PHACTR3: variants seen among roughly 807,000 people sequenced by gnomAD.
PHACTR3 encodes protein phosphatase 1, regulatory subunit 123.
A neutral mutation model predicts 66.8 loss-of-function variants in PHACTR3; 16 were observed. That is an observed-to-expected ratio of 0.24 (90% CI 0.16 to 0.36). The LOEUF is 0.36. Ranked by LOEUF, PHACTR3 falls within the 10% of genes least tolerant of loss-of-function variation. The pLI, the probability that PHACTR3 is intolerant of heterozygous loss-of-function variation, is 1.00. For missense variants in PHACTR3, 647 were observed against 719.9 expected (o/e 0.90, Z 1.16); for synonymous variants, 323 against 292.1 (o/e 1.11, Z -1.08).
chr20:59,803,646 C>T lies in PHACTR3; in HGVS notation c.1175-2395C>T, dbSNP rs140643983. On this transcript the variant is annotated intron_variant, in intron 7 of 12. Coordinates refer to ENST00000371015, the MANE Select transcript of PHACTR3 (RefSeq NM_080672.5). ...ATCTTTTGTCATTCCGTAACATATA[C>T]GCCACCATTTTTAATAGGTACACAA... 3.0e-3 allele frequency among the ~76,000 whole-genome samples: 464 copies of T among 152,210 alleles called. 2 individuals are homozygous for T. Among genetic ancestry groups the T allele is most frequent in the African/African-American group, 0.011 (441 of 41,532 alleles).
At chr20:59,615,487 A>G (rs890344436) in intron 1 of PHACTR3, among the ~76,000 whole-genome samples, 109 of 152,318 alleles carry the variant, frequency 7.2e-4, no homozygotes, top group African/African-American at 2.6e-3. Context: ...CACATATGTA[A>G]TAAGTGCCAG....
chr20:59,788,250 A>G (rs2040982498), intron 7 of PHACTR3, among the ~76,000 whole-genome samples: 1 of 152,152 alleles, frequency 6.6e-6, no homozygotes, highest in Non-Finnish European at 1.5e-5. Flanking sequence ...AATAGCCTCC[A>G]ATCTCATCCA....
At chr20:59,650,380 C>T (rs977371440) in intron 1 of PHACTR3, among the ~76,000 whole-genome samples, 3 of 151,834 alleles carry the variant, frequency 2.0e-5, no homozygotes, top group Non-Finnish European at 4.4e-5. Flanking sequence ...TGATTGTTCT[C>T]GTTGGGGGGA....
At chr20:59,630,563 C>T (rs1245851767) in intron 1 of PHACTR3, among the ~76,000 whole-genome samples, 1 of 152,182 alleles carries the variant, frequency 6.6e-6, no homozygotes, top group Admixed American at 6.5e-5. Context: ...CTTAAGAAAA[C>T]ATTATATTCA....
chr20:59,734,945 T>A (rs1007201937), intron 1 of PHACTR3, among the ~76,000 whole-genome samples: 9 of 152,096 alleles, frequency 5.9e-5, no homozygotes, highest in African/African-American at 2.2e-4. Flanking sequence ...TCTGCTATTA[T>A]AATCCTCTTT....
intron 12 of PHACTR3, among the ~76,000 whole-genome samples, chr20:59,846,181 A>G (rs1275300314): frequency 6.6e-6 from 1 of 152,174 alleles, no homozygotes; most frequent in Non-Finnish European, 1.5e-5. Context: ...ACTGCCTTAA[A>G]CTAAAATAAT....
At chr20:59,618,780 G>A (rs1199405647) in intron 1 of PHACTR3, among the ~76,000 whole-genome samples, 2 of 151,976 alleles carry the variant, frequency 1.3e-5, no homozygotes, top group Admixed American at 6.5e-5. Flanking sequence ...GAGCAGGGCC[G>A]AGAGCCTGAG....
chr20:59,755,030 G>T, intron 3 of PHACTR3, 152 bp from the exon 4 acceptor site: 1 of 743,220 alleles, frequency 1.3e-6, no homozygotes, highest in Non-Finnish European at 2.1e-6. Context: ...GTCCAGACTT[G>T]GAGAGGGACT....
At chr20:59,813,451 C>T (rs2041796181) in intron 8 of PHACTR3, among the ~76,000 whole-genome samples, 1 of 152,180 alleles carries the variant, frequency 6.6e-6, no homozygotes, top group African/African-American at 2.4e-5. Flanking sequence ...CCTGTCACAT[C>T]CAATGTCATT....
At chr20:59,811,883 C>A (rs1341717458) in intron 8 of PHACTR3, among the ~76,000 whole-genome samples, 2 of 152,246 alleles carry the variant, frequency 1.3e-5, no homozygotes, top group African/African-American at 2.4e-5. Flanking sequence ...GGTGGCAATA[C>A]CTGCCTCAGG....
intron 1 of PHACTR3, among the ~76,000 whole-genome samples, chr20:59,723,965 G>T (rs1389049744): frequency 6.6e-6 from 1 of 152,198 alleles, no homozygotes; most frequent in East Asian, 1.9e-4. Flanking sequence ...TTGGCTGCCT[G>T]GTCTGCATCC....
intron 1 of PHACTR3, among the ~76,000 whole-genome samples, chr20:59,660,697 T>C (rs945222771): frequency 2.0e-5 from 3 of 152,226 alleles, no homozygotes; most frequent in Non-Finnish European, 4.4e-5. Flanking sequence ...TATCACTTCA[T>C]CTCCATAATC....
chr20:59,832,149 C>T lies in PHACTR3; in HGVS notation c.1329-4356C>T, dbSNP rs1194552637. Among the ~76,000 whole-genome samples, 7 of 152,316 alleles carry T rather than the reference C, an allele frequency of 4.6e-5. No individual in the cohort carries two copies. The East Asian group carries it at 1.4e-3, about 29-fold the overall frequency. On this transcript the variant is annotated intron_variant, in intron 8 of 12. Coordinates refer to ENST00000371015, the MANE Select transcript of PHACTR3 (RefSeq NM_080672.5). ...GTGTTCCTCCCTGCCTCAGCCCTCC[C>T]AGCATCTGGAACTGGCTGTGGGTTC...
chr20:59,747,744 T>TGTGTGTTG lies in PHACTR3; in HGVS notation c.281-12_281-5dup, dbSNP rs752713334. 3.1e-6 allele frequency: 5 copies of TGTGTGTTG among 1,613,172 alleles called. No homozygotes were observed. In the South Asian group the frequency reaches 5.5e-5, roughly 18 times the overall value. On this transcript the variant is annotated splice_polypyrimidine_tract_variant and intron_variant, in intron 2 of 12. Transcript: ENST00000371015. ...TTTGCCTGAGACTCACCTGTGTGTT[T>TGTGTGTTG]GTGTGTTGGGCAGCGCTGGAGAAGA...
chr20:59,814,421 A>G (rs2041830240), intron 8 of PHACTR3, among the ~76,000 whole-genome samples: 1 of 152,170 alleles, frequency 6.6e-6, no homozygotes, highest in African/African-American at 2.4e-5. Context: ...CACAGGGGAA[A>G]GGTTATATGT....
At chr20:59,643,528 T>A (rs1391358813) in intron 1 of PHACTR3, among the ~76,000 whole-genome samples, 1 of 152,218 alleles carries the variant, frequency 6.6e-6, no homozygotes, top group African/African-American at 2.4e-5. Context: ...CACAAAACAG[T>A]GCCCTTGCTC....
chr20:59,587,098 T>G (rs1299717858), intron 1 of PHACTR3, among the ~76,000 whole-genome samples: 2 of 152,266 alleles, frequency 1.3e-5, no homozygotes. Context: ...AGCAGGCTGC[T>G]GACTGAAAAG....
chr20:59,774,574 T>TG, intron 7 of PHACTR3, 84 bp downstream of exon 7: 1 of 1,507,384 alleles, frequency 6.6e-7, no homozygotes, highest in Non-Finnish European at 8.9e-7. Flanking sequence ...AGCTCGTGCC[T>TG]GGGGGAGGAA....
chr20:59,733,339 G>C (rs2146726614), intron 1 of PHACTR3, among the ~76,000 whole-genome samples: 1 of 152,198 alleles, frequency 6.6e-6, no homozygotes, highest in Non-Finnish European at 1.5e-5. Flanking sequence ...TCTAAAACTT[G>C]ATTTTGGAGG....
Sources: allele counts gnomAD v4.1 joint callset (sites outside exome capture counted in the v4.1 genomes callset), GRCh38; gene constraint gnomAD v4.1.1; transcripts MANE v1.5; gene names NCBI Gene and HGNC (gene_info 2026-07-23, HGNC 2026-07-21).